SLC16A14: variants seen among roughly 807,000 people sequenced by gnomAD.
SLC16A14 encodes the protein monocarboxylate transporter 14.
Under a neutral mutation model 35.8 loss-of-function variants are expected in SLC16A14, and 14 were observed. The observed-to-expected ratio is 0.39, with a 90% confidence interval of 0.26 to 0.61. The LOEUF is 0.61. Ranked by LOEUF, SLC16A14 falls within the 20% of genes least tolerant of loss-of-function variation. The probability of loss-of-function intolerance (pLI) is 0.51; values close to 1 mark genes in which losing one functional copy is unlikely to be tolerated. For synonymous variants in SLC16A14, 248 were observed against 258.9 expected (o/e 0.96, Z 0.40); for missense variants, 533 against 655.0 (o/e 0.81, Z 2.03).
intron 2 of SLC16A14, among the ~76,000 whole-genome samples, 166 bp from the exon 3 acceptor site, chr2:230,050,070 T>C (rs1184243419): frequency 6.6e-6 from 1 of 152,190 alleles, no homozygotes; most frequent in Non-Finnish European, 1.5e-5. Flanking sequence ...GCAAAGATGA[T>C]TTTAAGTAAT....
At chr2:230,042,888 C>T (rs1286762972) in intron 4 of SLC16A14, among the ~76,000 whole-genome samples, 1 of 152,124 alleles carries the variant, frequency 6.6e-6, no homozygotes, top group East Asian at 1.9e-4. Flanking sequence ...GATGTAGTGG[C>T]TGGAGATACA....
chr2:230,047,686 A>T (rs2106256054), intron 3 of SLC16A14, among the ~76,000 whole-genome samples: 1 of 152,338 alleles, frequency 6.6e-6, no homozygotes. Context: ...GACTGTAGTT[A>T]GTACTAATGT....
chr2:230,065,564 C>A (rs1470691028), intron 1 of SLC16A14, among the ~76,000 whole-genome samples: 3 of 152,240 alleles, frequency 2.0e-5, no homozygotes, highest in Admixed American at 1.3e-4. Context: ...CCAAAAAGTT[C>A]TTTTGGATCC....
At chr2:230,060,352 T>G (rs1259778199) in intron 1 of SLC16A14, among the ~76,000 whole-genome samples, 1 of 152,054 alleles carries the variant, frequency 6.6e-6, no homozygotes, top group Non-Finnish European at 1.5e-5. Context: ...TTTTGTTTGT[T>G]TGTTTTCCTG....
chr2:230,054,046 A>T (rs989209154), intron 2 of SLC16A14, among the ~76,000 whole-genome samples: 7 of 151,302 alleles, frequency 4.6e-5, no homozygotes, highest in Non-Finnish European at 8.8e-5. Context: ...CTTAAAAAAA[A>T]ATCCTGATAC....
chr2:230,050,699 T>G (rs2077653307), intron 2 of SLC16A14, among the ~76,000 whole-genome samples: 1 of 152,226 alleles, frequency 6.6e-6, no homozygotes, highest in Non-Finnish European at 1.5e-5. Context: ...ATACTTAAGC[T>G]TATATGTTTT....
Position 230,034,991 on chromosome 2 carries a change from GACA to G in SLC16A14, c.*2386_*2388del, listed in dbSNP as rs1246694465. 1 of 152,124 alleles carries G rather than the reference GACA, an allele frequency of 6.6e-6. No homozygotes were observed. The highest frequency in any genetic ancestry group is 2.4e-5 in the African/African-American group (1 of 41,434). 9.4% of individuals were successfully genotyped at this position (152,124 alleles called of 1,614,324 possible). ...AAACTCACTGACCGTCTTCAAAGAG[GACA>G]ACATTTATTTAGTTGTATGTAAATA... On this transcript the variant is annotated 3_prime_UTR_variant, in exon 5 of 5. Transcript: ENST00000295190.
intron 1 of SLC16A14, among the ~76,000 whole-genome samples, chr2:230,067,557 TCTCTCTCTCTCTCTCA>T (rs1394741582): frequency 5.7e-4 from 23 of 40,552 alleles, no homozygotes; most frequent in African/African-American, 1.2e-3. Context: ...TCTCTCTCTC[TCTCTCTCTCTCTCTCA>T]CACACACACA....
chr2:230,052,797 A>G lies in SLC16A14; in HGVS notation c.260-2893T>C, dbSNP rs184097843. Among the ~76,000 whole-genome samples the G allele has an allele frequency of 2.3e-3, 344 of 152,176 alleles. 2 individuals are homozygous for G. The highest frequency in any genetic ancestry group is 7.9e-3 in the African/African-American group (329 of 41,510). On this transcript the variant is annotated intron_variant, in intron 2 of 4. Transcript: ENST00000295190. ...GGCTTCAGTCATTTATGATTTGCAGATGAGCCAAGCGAGACCCAGAAATGC... is the reference window on the plus strand; with the variant it reads ...GGCTTCAGTCATTTATGATTTGCAGGTGAGCCAAGCGAGACCCAGAAATGC...
intron 1 of SLC16A14, among the ~76,000 whole-genome samples, chr2:230,064,344 G>A (rs989897118): frequency 4.6e-5 from 7 of 151,936 alleles, no homozygotes; most frequent in African/African-American, 1.7e-4. Context: ...GTGTATGCAT[G>A]TATCTGTCCC....
At chr2:230,041,437 T>G (rs1006339383) in intron 4 of SLC16A14, among the ~76,000 whole-genome samples, 39 of 152,264 alleles carry the variant, frequency 2.6e-4, no homozygotes, top group African/African-American at 9.4e-4. Flanking sequence ...AACCTCCGTC[T>G]CCCGGGTTCA....
intron 3 of SLC16A14, 82 bp downstream of exon 3, chr2:230,049,679 C>A: frequency 6.8e-7 from 1 of 1,464,950 alleles, no homozygotes; most frequent in East Asian, 2.3e-5. Context: ...TTTAATGTGT[C>A]TCTTTTCTCC....
In SLC16A14 at chr2:230,046,830, C is replaced by G. The variant is rs2077612816; in HGVS notation, c.404-108G>C. On this transcript the variant is annotated intron_variant, in intron 3 of 4. Coordinates refer to ENST00000295190, the MANE Select transcript of SLC16A14 (RefSeq NM_152527.5). The surrounding 1 kb of genome is among the most constrained non-coding windows in gnomAD (Gnocchi z 5.0). ...TTTCCTTAATTAGCATCTATTTATG[C>G]TTTTTATTTCTAACAAAGCAATAAC... 1 of 1,274,350 alleles carries G rather than the reference C, an allele frequency of 7.8e-7. No individual in the cohort carries two copies. Among genetic ancestry groups the G allele is most frequent in the Non-Finnish European group, 1.1e-6 (1 of 949,656 alleles). 78.9% of individuals were successfully genotyped at this position (1,274,350 alleles called of 1,614,324 possible).
chr2:230,042,965 C>T (rs1190739998), intron 4 of SLC16A14, among the ~76,000 whole-genome samples: 1 of 152,178 alleles, frequency 6.6e-6, no homozygotes. Flanking sequence ...TGAGACGTTG[C>T]CCCAATATCC....
At chr2:230,063,703 A>G (rs939951053) in intron 1 of SLC16A14, among the ~76,000 whole-genome samples, 5 of 152,248 alleles carry the variant, frequency 3.3e-5, no homozygotes, top group African/African-American at 1.2e-4. Flanking sequence ...TCCATAGGAA[A>G]AAAGACTGGA....
intron 4 of SLC16A14, among the ~76,000 whole-genome samples, chr2:230,041,997 A>G (rs1462412646): frequency 6.6e-6 from 1 of 152,252 alleles, no homozygotes; most frequent in Non-Finnish European, 1.5e-5. Flanking sequence ...GCAGGTAGCC[A>G]ATGAATGTTG....
chr2:230,039,763 G>T (rs2077545251), intron 4 of SLC16A14, among the ~76,000 whole-genome samples: 1 of 152,206 alleles, frequency 6.6e-6, no homozygotes, highest in African/African-American at 2.4e-5. Context: ...GAGCAGAAAT[G>T]ATGGCTGTAA....
At position 230,045,825 on chromosome 2, in the gene SLC16A14, C is replaced by T. The variant is rs1339193208; in HGVS notation, c.1301G>A (p.Gly434Asp). Residue 434 changes from glycine (G) to aspartate (D), a missense_variant, in exon 4 of 5, where the codon GGC becomes GAC. Physicochemically the swap from Gly to Asp is moderately conservative, Grantham distance 94. Transcript: ENST00000295190. ...GTAGGCATTGGCCAGGTGTTCAATG[C>T]CAACCAAGTCTTCAGTCACTACGGG... is the stretch of plus-strand genomic sequence containing the variant. ...LMPVVTEDLV[G>D]IEHLANAYGI... The T allele has an allele frequency of 6.2e-7, 1 of 1,614,032 alleles. No individual in the cohort carries two copies. Among genetic ancestry groups the T allele is most frequent in the Non-Finnish European group, 8.5e-7 (1 of 1,180,022 alleles).
chr2:230,065,848 G>A (rs1034203797), intron 1 of SLC16A14, among the ~76,000 whole-genome samples: 1 of 152,016 alleles, frequency 6.6e-6, no homozygotes, highest in African/African-American at 2.4e-5. Flanking sequence ...CACCTGGAGA[G>A]GGAGAACTTA....
Sources: allele counts gnomAD v4.1 joint callset (sites outside exome capture counted in the v4.1 genomes callset), GRCh38; gene constraint gnomAD v4.1.1; non-coding constraint Gnocchi (gnomAD v3.1); transcripts MANE v1.5; gene names NCBI Gene and HGNC (gene_info 2026-07-23, HGNC 2026-07-21).